RFT1: variants seen among roughly 807,000 people sequenced by gnomAD.
The protein encoded by RFT1 is RFT1 glycolipid translocator homolog.
In RFT1, 43 loss-of-function variants were observed where a neutral mutation model predicts 62.2. The ratio of observed to expected loss-of-function variants is 0.69; its 90% confidence interval spans 0.54 to 0.89. The LOEUF (loss-of-function observed/expected upper bound fraction) is 0.89. Among genes scored for constraint, RFT1 ranks in the 40% least tolerant of loss-of-function variants. The probability of loss-of-function intolerance (pLI) is 0.00; values close to 1 mark genes in which losing one functional copy is unlikely to be tolerated. For synonymous variants in RFT1, 262 were observed against 264.6 expected (o/e 0.99, Z 0.10); for missense variants, 605 against 649.9 (o/e 0.93, Z 0.75).
the RFT1 span, among the ~76,000 whole-genome samples, chr3:53,080,307 C>T: frequency 3.3e-5 from 5 of 152,166 alleles, no homozygotes; most frequent in African/African-American, 1.2e-4. Flanking sequence ...CTTCCCCGGG[C>T]CTAGTCACTG....
chr3:53,121,930 G>T (rs1332965761), intron 4 of RFT1, 130 bp from the exon 5 acceptor site: 2 of 741,898 alleles, frequency 2.7e-6, no homozygotes, highest in Admixed American at 2.0e-5. Context: ...CTGGACATAA[G>T]TATCAGTAAC....
intron 7 of RFT1, among the ~76,000 whole-genome samples, chr3:53,111,598 G>T (rs1701651040): frequency 6.6e-6 from 1 of 152,064 alleles, no homozygotes; most frequent in African/African-American, 2.4e-5. Flanking sequence ...TGATGAAGGG[G>T]AACAATATGT....
intron 7 of RFT1, among the ~76,000 whole-genome samples, chr3:53,107,260 C>T (rs945916746): frequency 1.8e-4 from 27 of 151,992 alleles, no homozygotes; most frequent in Admixed American, 5.9e-4. Context: ...CTCAGTCTCC[C>T]GAGCAGCTGG....
the RFT1 span, among the ~76,000 whole-genome samples, chr3:53,070,402 T>TTTTG: frequency 2.9e-5 from 4 of 136,776 alleles, no homozygotes; most frequent in African/African-American, 1.1e-4. Context: ...GGTTTTTTTT[T>TTTTG]TTTTTTTTTT....
chr3:53,121,929 A>C (rs1701980709), intron 4 of RFT1, 129 bp from the exon 5 acceptor site: 1 of 741,670 alleles, frequency 1.3e-6, no homozygotes, highest in African/African-American at 1.7e-5. Context: ...GCTGGACATA[A>C]GTATCAGTAA....
At chr3:53,084,723 C>G (rs2336725), downstream of RFT1, among the ~76,000 whole-genome samples, 1 of 152,028 alleles carries the variant, frequency 6.6e-6, no homozygotes, top group Non-Finnish European at 1.5e-5. Flanking sequence ...CACTGTGAAC[C>G]CAGGTGGCCT....
rs35221142 is a variant in RFT1 at position 53,121,704 on chromosome 3, C to T, written c.553G>A (p.Ala185Thr). The T allele has an allele frequency of 8.4e-3, 13,591 of 1,612,264 alleles. 1,049 individuals carry two copies. The African/African-American group carries it at 0.16, about 19-fold the overall frequency. The change falls in exon 5 of 13, where the codon GCC becomes ACC. Residue 185 changes from alanine (A) to threonine (T), a missense_variant. Ala to Thr is a moderately conservative substitution (Grantham distance 58). Coordinates refer to ENST00000296292, the MANE Select transcript of RFT1 (RefSeq NM_052859.4). The stretch of plus-strand genomic sequence containing the variant: ...TTAAAAGCCATGATTCTTACCTGGG[C>T]CAAAGAGAAAATGTACAATCCCCAG... The part of the protein sequence containing the change: ...PHWGLYIFSL[A>T]QLFYTTVLVL...
intron 6 of RFT1, among the ~76,000 whole-genome samples, chr3:53,117,297 C>T (rs960656263): frequency 6.6e-6 from 1 of 152,196 alleles, no homozygotes; most frequent in African/African-American, 2.4e-5. Flanking sequence ...TTTCATGGAA[C>T]TCCTGAAGTC....
chr3:53,086,098 G>A (rs569553072), downstream of RFT1, among the ~76,000 whole-genome samples: 1 of 152,168 alleles, frequency 6.6e-6, no homozygotes, highest in Middle Eastern at 3.2e-3. Context: ...CTGCCACCTT[G>A]AAAGCTAGTT....
At chr3:53,087,812 C>T (rs989893744), downstream of RFT1, among the ~76,000 whole-genome samples, 16 of 152,364 alleles carry the variant, frequency 1.1e-4, no homozygotes, top group African/African-American at 2.4e-4. Context: ...CAAGCCACAA[C>T]GCCTGGCCCG....
the RFT1 span, among the ~76,000 whole-genome samples, chr3:53,081,869 T>C: frequency 2.0e-5 from 3 of 152,010 alleles, no homozygotes; most frequent in East Asian, 3.8e-4. Flanking sequence ...GGAGGAACTG[T>C]AGAGAAAAAT....
chr3:53,075,143 G>A, the RFT1 span, among the ~76,000 whole-genome samples: 1 of 152,196 alleles, frequency 6.6e-6, no homozygotes, highest in African/African-American at 2.4e-5. Flanking sequence ...CAGAGGCTCA[G>A]CTCCACTCCC....
At chr3:53,099,860 G>A (rs1701263942) in intron 10 of RFT1, among the ~76,000 whole-genome samples, 1 of 152,132 alleles carries the variant, frequency 6.6e-6, no homozygotes, top group Non-Finnish European at 1.5e-5. Context: ...TGGTGGGCAT[G>A]CCTGTAGTCC....
chr3:53,086,565 C>G (rs1700859318), downstream of RFT1, among the ~76,000 whole-genome samples: 1 of 152,216 alleles, frequency 6.6e-6, no homozygotes, highest in Admixed American at 6.5e-5. Context: ...ATCCACCTGC[C>G]TCGGCCTCCC....
chr3:53,068,724 A>T, the RFT1 span, among the ~76,000 whole-genome samples: 13 of 152,246 alleles, frequency 8.5e-5, no homozygotes, highest in Admixed American at 3.3e-4. Flanking sequence ...AAAGGATTTA[A>T]ATCCAGAATG....
At chr3:53,121,904 G>T in intron 4 of RFT1, 104 bp from the exon 5 acceptor site, 1 of 896,164 alleles carries the variant, frequency 1.1e-6, no homozygotes, top group Non-Finnish European at 1.8e-6. Flanking sequence ...CCTGGCTGTG[G>T]GGGCAGGGCA....
At position 53,122,395 on chromosome 3, in the gene RFT1, T is replaced by C. The variant is rs1388260881; in HGVS notation, c.435A>G (p.Ala145=). 1 of 1,614,000 alleles carries C rather than the reference T, an allele frequency of 6.2e-7. No homozygotes were observed. Residue 145 remains alanine, a synonymous_variant, in exon 4 of 13, where the codon GCA becomes GCG. Transcript: ENST00000296292. ...LGEPFWVLAQ[A]HMFVKLKVIA... is the part of the protein sequence containing the mutation. ...TGACCTTGAGCTTCACAAACATATG[T>C]GCTTGTGCCAAGACCCAAAAGGGCT...
chr3:53,106,803 C>T lies in RFT1; in HGVS notation c.826+16G>A, dbSNP rs754560635. 2.3e-5 allele frequency: 37 copies of T among 1,582,698 alleles called. No homozygotes were observed. In the South Asian group the frequency reaches 2.9e-4, roughly 12 times the overall value. ...GTGTTCACCTTTAATTAAAACACTACAGAATTTCATCTTACCCTGATCACC... is the reference window on the plus strand; with the variant it reads ...GTGTTCACCTTTAATTAAAACACTATAGAATTTCATCTTACCCTGATCACC... On this transcript the variant is annotated intron_variant, in intron 8 of 12. Transcript: ENST00000296292.
At chr3:53,128,788 G>A (rs1045480242) in intron 1 of RFT1, among the ~76,000 whole-genome samples, 1 of 152,248 alleles carries the variant, frequency 6.6e-6, no homozygotes, top group Non-Finnish European at 1.5e-5. Flanking sequence ...TGGGATGACA[G>A]GCATGAGCCA....
Sources: allele counts gnomAD v4.1 joint callset (sites outside exome capture counted in the v4.1 genomes callset), GRCh38; gene constraint gnomAD v4.1.1; transcripts MANE v1.5; gene names NCBI Gene and HGNC (gene_info 2026-07-23, HGNC 2026-07-21).